The following CHLSN variants were observed in gnomAD, a reference collection of about 807,000 sequenced individuals.
CHLSN encodes the protein protein cholesin.
At chr7:1,133,016 G>A in the CHLSN span, among the ~76,000 whole-genome samples, 15 of 152,170 alleles carry the variant, frequency 9.9e-5, no homozygotes, top group African/African-American at 1.7e-4. Context: ...ATATTCAAGC[G>A]GTGGAAACAA....
the CHLSN span, chr7:984,918 C>G: frequency 6.4e-7 from 1 of 1,554,378 alleles, no homozygotes; most frequent in East Asian, 2.3e-5. Context: ...GGGTGGGAAC[C>G]TGGGCTCACC....
chr7:1,064,110 G>A, the CHLSN span, among the ~76,000 whole-genome samples: 20 of 151,888 alleles, frequency 1.3e-4, no homozygotes, highest in Non-Finnish European at 8.8e-5. Flanking sequence ...ACATACATGC[G>A]TGCAAGCATG....
At chr7:1,020,148 C>T in the CHLSN span, among the ~76,000 whole-genome samples, 3 of 142,464 alleles carry the variant, frequency 2.1e-5, no homozygotes, top group African/African-American at 8.2e-5. Context: ...TGCATGGATG[C>T]GGCAGGCCCC....
chr7:989,919 C>A, the CHLSN span, among the ~76,000 whole-genome samples: 10 of 126,438 alleles, frequency 7.9e-5, no homozygotes, highest in African/African-American at 2.5e-4. Flanking sequence ...GCGGTGTGGT[C>A]GGCAGTGTGA....
the CHLSN span, among the ~76,000 whole-genome samples, chr7:1,105,467 G>T: frequency 6.6e-6 from 1 of 152,134 alleles, no homozygotes; most frequent in Non-Finnish European, 1.5e-5. Context: ...AGCAGCAAAG[G>T]AATCAATGAA....
At chr7:1,110,698 C>A in the CHLSN span, among the ~76,000 whole-genome samples, 7 of 152,094 alleles carry the variant, frequency 4.6e-5, no homozygotes, top group African/African-American at 1.7e-4. Flanking sequence ...AAGCCATAAA[C>A]ACAAACAGCC....
At chr7:1,053,479 C>T in the CHLSN span, among the ~76,000 whole-genome samples, 1 of 152,232 alleles carries the variant, frequency 6.6e-6, no homozygotes, top group Admixed American at 6.5e-5. Context: ...ACATGACTCG[C>T]CAGGCCCTGG....
At chr7:984,734 C>T in the CHLSN span, among the ~76,000 whole-genome samples, 2 of 152,198 alleles carry the variant, frequency 1.3e-5, no homozygotes, top group African/African-American at 4.8e-5. Context: ...GCCAGGTGTC[C>T]ACACAGCAGG....
the CHLSN span, among the ~76,000 whole-genome samples, chr7:984,253 C>A: frequency 6.6e-6 from 1 of 152,252 alleles, no homozygotes; most frequent in Non-Finnish European, 1.5e-5. Flanking sequence ...GCCCCCTCCA[C>A]CCTGCACCAC....
chr7:1,011,632 CCAGA>C, the CHLSN span, among the ~76,000 whole-genome samples: 1 of 150,522 alleles, frequency 6.6e-6, no homozygotes, highest in African/African-American at 2.4e-5. Context: ...AGATACACAC[CCAGA>C]CACCCACAAA....
the CHLSN span, among the ~76,000 whole-genome samples, chr7:1,052,354 G>A: frequency 6.6e-6 from 1 of 152,226 alleles, no homozygotes; most frequent in Non-Finnish European, 1.5e-5. The surrounding 1 kb of genome is among the most constrained non-coding windows in gnomAD (Gnocchi z 4.2). Flanking sequence ...AGGGCCTTGG[G>A]GCTGCTTGTG....
At chr7:991,466 G>C in the CHLSN span, among the ~76,000 whole-genome samples, 2 of 152,166 alleles carry the variant, frequency 1.3e-5, no homozygotes, top group Non-Finnish European at 2.9e-5. Flanking sequence ...GCGTGGGCAG[G>C]GGTGTGGGGC....
At chr7:1,133,389 C>T in the CHLSN span, among the ~76,000 whole-genome samples, 1 of 93,488 alleles carries the variant, frequency 1.1e-5, no homozygotes, top group African/African-American at 6.2e-5. Context: ...CCTCGATATA[C>T]TGCAAAAAAA....
At chr7:1,053,319 G>A in the CHLSN span, among the ~76,000 whole-genome samples, 23 of 152,238 alleles carry the variant, frequency 1.5e-4, no homozygotes, top group African/African-American at 4.3e-4. Context: ...GCGGGGGAGG[G>A]GCGTCCACAG....
At chr7:1,028,929 T>G in the CHLSN span, 1 of 489,100 alleles carries the variant, frequency 2.0e-6, no homozygotes. Flanking sequence ...TCTGCCCCCA[T>G]CTCCCCTGCC....
At chr7:1,023,425 A>G in the CHLSN span, among the ~76,000 whole-genome samples, 7 of 152,050 alleles carry the variant, frequency 4.6e-5, no homozygotes, top group South Asian at 2.1e-4. This position sits in a 1 kb window ranked among gnomAD's most constrained non-coding sequence, Gnocchi z 5.0. Context: ...AGACATGGAC[A>G]GACTCCCAGC....
At chr7:1,023,024 C>A in the CHLSN span, 3 of 458,636 alleles carry the variant, frequency 6.5e-6, no homozygotes, top group Non-Finnish European at 1.3e-5. This position sits in a 1 kb window ranked among gnomAD's most constrained non-coding sequence, Gnocchi z 5.0. Context: ...AGCGGCCGCC[C>A]CGCCCCTGCG....
At chr7:1,026,393 G>A in the CHLSN span, 1 of 152,236 alleles carries the variant, frequency 6.6e-6, no homozygotes, top group East Asian at 1.9e-4. Context: ...TGTGTCGACA[G>A]AGGCTGTGCT....
the CHLSN span, among the ~76,000 whole-genome samples, chr7:1,006,537 A>ACACGACGGCCACAGCGCAGGGAAAGAGCG: frequency 6.7e-3 from 352 of 52,552 alleles, 43 homozygotes; most frequent in African/African-American, 8.9e-3. Flanking sequence ...GGGAAAGAGC[A>ACACGACGGCCACAGCGCAGGGAAAGAGCG]CACGACGGCC....
Sources: gnomAD v4.1 joint callset for allele counts (sites outside exome capture counted in the v4.1 genomes callset) on GRCh38, gnomAD v4.1.1 for gene constraint, Gnocchi (gnomAD v3.1) non-coding constraint, MANE v1.5 for transcripts, NCBI Gene and HGNC (gene_info 2026-07-23, HGNC 2026-07-21) for gene names.